The following CFAP65 variants were observed in gnomAD, a reference collection of about 807,000 sequenced individuals.
CFAP65 encodes cilia- and flagella-associated protein 65.
In CFAP65, 155 loss-of-function variants were observed where a neutral mutation model predicts 208.0. The ratio of observed to expected loss-of-function variants is 0.75; its 90% CI spans 0.65 to 0.85. The LOEUF is 0.85. Among genes scored for constraint, CFAP65 ranks in the 40% least tolerant of loss-of-function variants. CFAP65 has a pLI of 0.00. For missense variants in CFAP65, 2,294 were observed against 2,451.3 expected (o/e 0.94, Z 1.36); for synonymous variants, 970 against 986.3 (o/e 0.98, Z 0.31).
In CFAP65 at chr2:219,040,580, G is replaced by C. The variant is rs1384905199; in HGVS notation, c.-48-16C>G. 2 of 1,551,982 alleles carry C rather than the reference G, an allele frequency of 1.3e-6. No homozygotes were observed. Among genetic ancestry groups the C allele is most frequent in the East Asian group, 4.9e-5 (2 of 40,942 alleles). On this transcript the variant is annotated splice_polypyrimidine_tract_variant and intron_variant, in intron 1 of 34. Coordinates refer to ENST00000341552, the MANE Select transcript of CFAP65 (RefSeq NM_194302.4). ...GAAATGTAAGCTGAGGAGACACAGA[G>C]AGAGTCCATTACTTTTCTGCCACGG...
intron 13 of CFAP65, chr2:219,026,530 A>G (rs1947643881): frequency 1.1e-5 from 2 of 183,118 alleles, no homozygotes; most frequent in Admixed American, 1.2e-4. Context: ...CCACATTAAA[A>G]AAGTAAAACA....
chr2:219,026,293 G>T, intron 13 of CFAP65, 134 bp from the exon 14 acceptor site: 1 of 931,904 alleles, frequency 1.1e-6, no homozygotes, highest in Non-Finnish European at 1.6e-6. Context: ...TCCCTGGGAA[G>T]ACAGTGCAGA....
At chr2:219,008,880 C>G (rs754832052) in intron 29 of CFAP65, among the ~76,000 whole-genome samples, 167 bp downstream of exon 29, 1 of 152,250 alleles carries the variant, frequency 6.6e-6, no homozygotes, top group East Asian at 1.9e-4. Flanking sequence ...AGAGCCTCTC[C>G]GGATGGCTGT....
rs764581418 is a variant in CFAP65, at chr2:219,005,496, C to G, written c.4989G>C (p.Lys1663Asn). Residue 1663 changes from lysine to asparagine, a missense_variant, in exon 32 of 35, where the codon AAG becomes AAC. Coordinates refer to ENST00000341552, the MANE Select transcript of CFAP65 (RefSeq NM_194302.4). ...SETSEEKSPNKWGPVSKQKKQ... is the reference protein window; with the variant it reads ...SETSEEKSPNNWGPVSKQKKQ... ...TCTTCTGCTTGGAAACAGGGCCCCA[C>G]TTGTTAGGGGATTTTTCCTCAGAAG... The G allele has an allele frequency of 3.8e-5, 61 of 1,613,488 alleles. No homozygotes were observed. The highest frequency in any genetic ancestry group is 2.5e-4 in the African/African-American group (19 of 74,822).
In CFAP65 at chr2:219,013,559, A is replaced by T; in HGVS notation, c.3806T>A (p.Leu1269His). ...YSHLFIGTDH[L>H]PVLFKVSHGR... Reference sequence around the variant, plus strand: ...ATGGGACACCTTGAAGAGCACTGGGAGGTGATCAGTACCGATGAACAGGTG... The same window carrying T: ...ATGGGACACCTTGAAGAGCACTGGGTGGTGATCAGTACCGATGAACAGGTG... The change falls in exon 23 of 35, where the codon CTC becomes CAC. Residue 1269 changes from leucine to histidine, a missense_variant. By Grantham distance (99) the Leu-to-His change is moderately conservative. Transcript: ENST00000341552. 6.2e-7 allele frequency: 1 copy of T among 1,601,438 alleles called. No individual in the cohort carries two copies. Among genetic ancestry groups the T allele is most frequent in the Non-Finnish European group, 8.5e-7 (1 of 1,175,406 alleles).
intron 28 of CFAP65, 47 bp downstream of exon 28, chr2:219,009,300 T>G (rs1574529070): frequency 6.7e-7 from 1 of 1,496,922 alleles, no homozygotes; most frequent in South Asian, 1.1e-5. Context: ...ACCCCAGCAT[T>G]GGGAGCCATG....
rs558001916 is a variant in CFAP65 at position 219,037,217 on chromosome 2, C to A, written c.357+1158G>T. Among the ~76,000 whole-genome samples, 36 of 152,098 alleles carry A rather than the reference C, an allele frequency of 2.4e-4. No homozygotes were observed. The Middle Eastern group carries it at 0.017, about 72-fold the overall frequency. ...CCAGCCTGGCCAATATGGTGAAACC[C>A]CCGTCTCTACTAAAAATACAAAAAA... On this transcript the variant is annotated intron_variant, in intron 4 of 34. Transcript: ENST00000341552.
At chr2:219,035,815 C>A (rs1948323560) in intron 4 of CFAP65, 151 bp from the exon 5 acceptor site, 2 of 1,411,890 alleles carry the variant, frequency 1.4e-6, no homozygotes, top group East Asian at 2.5e-5. Flanking sequence ...ACCCCTCACC[C>A]CTTGGGGATG....
In CFAP65 at chr2:219,031,352, C is replaced by A. The variant is rs1336791632; in HGVS notation, c.816-47G>T. On this transcript the variant is annotated intron_variant, in intron 7 of 34. Coordinates refer to ENST00000341552, the MANE Select transcript of CFAP65 (RefSeq NM_194302.4). This position sits in a 1 kb window ranked among gnomAD's most constrained non-coding sequence, Gnocchi z 5.2. ...GGGCACTGGGCTCCCGGCCCCTGCTCCTGCAGTAGCAAGTCAGGGATGCTG... is the reference window on the plus strand; with the variant it reads ...GGGCACTGGGCTCCCGGCCCCTGCTACTGCAGTAGCAAGTCAGGGATGCTG... The A allele has an allele frequency of 6.2e-7, 1 of 1,606,666 alleles. No homozygotes were observed. Among genetic ancestry groups the A allele is most frequent in the Non-Finnish European group, 8.5e-7 (1 of 1,174,614 alleles).
chr2:219,035,349 AT>A, intron 5 of CFAP65, 130 bp downstream of exon 5: 2 of 1,572,890 alleles, frequency 1.3e-6, no homozygotes, highest in Non-Finnish European at 1.7e-6. Flanking sequence ...TACTGCACGT[AT>A]TTTAAACACT....
chr2:219,030,970 T>C (rs968445806), intron 8 of CFAP65, 136 bp from the exon 9 acceptor site: 7 of 1,435,694 alleles, frequency 4.9e-6, no homozygotes, highest in African/African-American at 4.3e-5. Flanking sequence ...AGGCAAAGCC[T>C]TCTGGGCTTG....
rs1464496926 is a variant in CFAP65 at position 219,006,145 on chromosome 2, A to G, written c.4798T>C (p.Ser1600Pro). ...WKLQTPKEEV[S>P]WPCPQPPSPG... is the part of the protein sequence containing the mutation. ...GAGGGTGGCTGGGGGCAGGGCCAGGACACCTCCTCCTTTGGGGTCTGCAGT... is the reference window on the plus strand; with the variant it reads ...GAGGGTGGCTGGGGGCAGGGCCAGGGCACCTCCTCCTTTGGGGTCTGCAGT... Residue 1600 changes from serine to proline, a missense_variant, in exon 31 of 35, where the codon TCC (serine) becomes CCC (proline). Physicochemically the swap from Ser to Pro is moderately conservative, Grantham distance 74. This residue lies in a region of CFAP65 where 1,427 missense variants were observed against 1,438.7 expected (regional missense o/e 0.99). Coordinates refer to ENST00000341552, the MANE Select transcript of CFAP65 (RefSeq NM_194302.4). 1 of 1,613,686 alleles carries G rather than the reference A, an allele frequency of 6.2e-7. No individual in the cohort carries two copies. The highest frequency in any genetic ancestry group is 1.1e-5 in the South Asian group (1 of 91,074).
chr2:219,036,754 T>G (rs1291261832), intron 4 of CFAP65, among the ~76,000 whole-genome samples: 2 of 152,194 alleles, frequency 1.3e-5, no homozygotes, highest in East Asian at 3.9e-4. Context: ...AGCATTTTAT[T>G]TTATCTTTGA....
intron 13 of CFAP65, 61 bp downstream of exon 13, chr2:219,027,589 C>T: frequency 6.2e-7 from 1 of 1,613,180 alleles, no homozygotes; most frequent in Non-Finnish European, 8.5e-7. Context: ...TGCCACCCCA[C>T]CAAGCCACTC....
At chr2:219,026,905 T>C (rs1947668492) in intron 13 of CFAP65, 7 of 986,582 alleles carry the variant, frequency 7.1e-6, no homozygotes, top group Non-Finnish European at 8.4e-6. Context: ...AAGCCTCCAC[T>C]TTGGAAAGCC....
Position 219,029,653 on chromosome 2 carries a change from A to C in CFAP65, c.1400T>G (p.Leu467Arg), listed in dbSNP as rs1437888119. 1 of 1,614,048 alleles carries C rather than the reference A, an allele frequency of 6.2e-7. No individual in the cohort carries two copies. Among genetic ancestry groups the C allele is most frequent in the East Asian group, 2.2e-5 (1 of 44,868 alleles). The change falls in exon 11 of 35, where the codon CTG (leucine) becomes CGG (arginine). Residue 467 changes from leucine (L) to arginine (R), a missense_variant. Leu to Arg is a moderately radical substitution (Grantham distance 102). Coordinates refer to ENST00000341552, the MANE Select transcript of CFAP65 (RefSeq NM_194302.4). ...VGFCRGPAVS[L>R]QHYCVNFSWV... The stretch of plus-strand genomic sequence containing the variant: ...GCTGAAGTTGACACAGTAGTGCTGC[A>C]GGGACACAGCAGGGCCTGGACACAG...
At position 219,010,039 on chromosome 2, in the gene CFAP65, A is replaced by G. The variant is rs762807479; in HGVS notation, c.4355T>C (p.Val1452Ala). The G allele has an allele frequency of 6.8e-6, 11 of 1,611,100 alleles. No individual in the cohort carries two copies. The highest frequency in any genetic ancestry group is 1.7e-5 in the Admixed American group (1 of 59,714). Residue 1452 changes from valine to alanine, a missense_variant, in exon 27 of 35, where the codon GTG (valine) becomes GCG (alanine). Around this residue, in one of 2 missense-constraint regions of CFAP65, gnomAD observed 1,427 missense variants for 1,438.7 expected, o/e 0.99. Transcript: ENST00000341552. Reference sequence around the variant, plus strand: ...GAGCAGGCGGCTGCACTTGCTCTGCACAGGTATGTTTCCCAGGGAAATATG... The same window carrying G: ...GAGCAGGCGGCTGCACTTGCTCTGCGCAGGTATGTTTCCCAGGGAAATATG... ...QSHISLGNIP[V>A]QSKCSRLLFL...
chr2:219,023,216 G>C lies in CFAP65; in HGVS notation c.2811C>G (p.Asn937Lys), dbSNP rs548193482. Residue 937 changes from asparagine (N) to lysine (K), a missense_variant, in exon 16 of 35, where the codon AAC (asparagine) becomes AAG (lysine). Physicochemically the swap from Asn to Lys is moderately conservative, Grantham distance 94. Transcript: ENST00000341552. ...GAGGGGAGCCACTCACAAGTCTCTC[G>C]TTGGGCTGGATTAGCCCCCTGGAGG... ...VQPSRGLIQP[N>K]ERLTLTWTFS... is the part of the protein sequence containing the mutation. 4.3e-6 allele frequency: 7 copies of C among 1,611,496 alleles called. No individual in the cohort carries two copies. The African/African-American group carries it at 9.3e-5, about 22-fold the overall frequency.
chr2:219,016,858 C>T (rs564101535), intron 21 of CFAP65, among the ~76,000 whole-genome samples: 51 of 152,340 alleles, frequency 3.3e-4, no homozygotes, highest in Admixed American at 5.9e-4. Flanking sequence ...ATTCAAAGGC[C>T]CTGTATGTCC....
Sources: allele counts gnomAD v4.1 joint callset (sites outside exome capture counted in the v4.1 genomes callset), GRCh38; gene constraint gnomAD v4.1.1; regional missense constraint gnomAD v4.1.1; non-coding constraint Gnocchi (gnomAD v3.1); transcripts MANE v1.5; gene names NCBI Gene and HGNC (gene_info 2026-07-23, HGNC 2026-07-21).